The following CCSER1 variants were observed in gnomAD, a reference collection of about 807,000 sequenced individuals.
The protein encoded by CCSER1 is coiled-coil serine rich protein 1.
In CCSER1, 41 loss-of-function variants were observed where a neutral mutation model predicts 82.0. That is an observed-to-expected ratio of 0.50 (90% CI 0.39 to 0.65). The LOEUF (loss-of-function observed/expected upper bound fraction) is 0.65, where lower values mean the gene tolerates loss of function less well. Ranked by LOEUF, CCSER1 falls within the 30% of genes least tolerant of loss-of-function variation. The pLI is 0.00. For missense variants in CCSER1, 1,119 were observed against 1,064.2 expected, an observed-to-expected ratio of 1.05 and a Z score of -0.72; for synonymous variants, 414 against 383.9, an observed-to-expected ratio of 1.08 and a Z score of -0.92.
intron 7 of CCSER1, among the ~76,000 whole-genome samples, chr4:90,759,477 T>G (rs1466980027): frequency 6.6e-6 from 1 of 152,212 alleles, no homozygotes; most frequent in Non-Finnish European, 1.5e-5. Flanking sequence ...ACCAGAATTG[T>G]GCTGGTAAAC....
At chr4:90,299,604 G>C (rs976608597) in intron 1 of CCSER1, among the ~76,000 whole-genome samples, 3 of 152,072 alleles carry the variant, frequency 2.0e-5, no homozygotes, top group African/African-American at 7.2e-5. Flanking sequence ...ACTGGCAGAA[G>C]TGGCTTTCGT....
In CCSER1 at chr4:90,564,911, C is replaced by T. The variant is rs182833480; in HGVS notation, c.1725-63114C>T. On this transcript the variant is annotated intron_variant, in intron 5 of 10. Transcript: ENST00000509176. ...TTTTAATGCCAGTGCCACACTCTTTCGTAACTTACTATAGCTTTTTAGAAT... is the reference window on the plus strand; with the variant it reads ...TTTTAATGCCAGTGCCACACTCTTTTGTAACTTACTATAGCTTTTTAGAAT... 1.2e-3 allele frequency among the ~76,000 whole-genome samples: 187 copies of T among 152,166 alleles called. 2 individuals are homozygous for T. In the Middle Eastern group the frequency reaches 0.031, roughly 25 times the overall value.
chr4:90,489,966 G>A (rs1015938302), intron 5 of CCSER1, among the ~76,000 whole-genome samples: 3 of 152,146 alleles, frequency 2.0e-5, no homozygotes, highest in Admixed American at 6.5e-5. Flanking sequence ...ATTTTGAATA[G>A]TGCCGCAATA....
rs187828076 is a variant in CCSER1, at chr4:91,161,127, C to G, written c.2217+75133C>G. 7.7e-4 allele frequency among the ~76,000 whole-genome samples: 117 copies of G among 152,248 alleles called. 5 individuals carry two copies. The highest frequency in any genetic ancestry group is 3.9e-4 in the East Asian group (2 of 5,178). ...GTTTCAGCTTTCCACATATGGCTAA[C>G]CAGTTTTCCCAGCACCATTTATTAA... On this transcript the variant is annotated intron_variant, in intron 10 of 10. Transcript: ENST00000509176.
At chr4:90,762,016 A>C (rs1337164691) in intron 7 of CCSER1, among the ~76,000 whole-genome samples, 1 of 152,176 alleles carries the variant, frequency 6.6e-6, no homozygotes, top group East Asian at 1.9e-4. Context: ...AAAGAAAGTA[A>C]TTTCAGAAAC....
At chr4:90,741,059 A>G (rs1157629714) in intron 7 of CCSER1, among the ~76,000 whole-genome samples, 1 of 152,200 alleles carries the variant, frequency 6.6e-6, no homozygotes, top group Non-Finnish European at 1.5e-5. Context: ...CTGTAGGATA[A>G]GCTTGAATAC....
intron 1 of CCSER1, among the ~76,000 whole-genome samples, chr4:90,137,041 C>T (rs1477860997): frequency 6.6e-6 from 1 of 152,154 alleles, no homozygotes; most frequent in African/African-American, 2.4e-5. Flanking sequence ...ACCTAGTGCA[C>T]AGATAGCTCA....
At chr4:91,254,274 A>G (rs1419167933) in intron 10 of CCSER1, among the ~76,000 whole-genome samples, 1 of 152,176 alleles carries the variant, frequency 6.6e-6, no homozygotes, top group Non-Finnish European at 1.5e-5. Flanking sequence ...TCAATTGCAC[A>G]TGGGATATTT....
At chr4:90,398,208 C>T (rs1256837164) in intron 3 of CCSER1, among the ~76,000 whole-genome samples, 1 of 152,154 alleles carries the variant, frequency 6.6e-6, no homozygotes, top group Non-Finnish European at 1.5e-5. Flanking sequence ...ATAAGAACAC[C>T]AGTCCCATTG....
chr4:90,715,762 A>G (rs763889642), intron 6 of CCSER1, among the ~76,000 whole-genome samples: 1 of 152,066 alleles, frequency 6.6e-6, no homozygotes, highest in African/African-American at 2.4e-5. Context: ...GGATGTGTAT[A>G]CTGGTAGAAT....
intron 9 of CCSER1, among the ~76,000 whole-genome samples, chr4:90,980,019 A>G (rs1179205393): frequency 1.3e-5 from 2 of 151,850 alleles, no homozygotes; most frequent in South Asian, 2.1e-4. Flanking sequence ...ACAGGATATG[A>G]TGATGAATAG....
chr4:90,609,614 G>T (rs1358774161), intron 5 of CCSER1, among the ~76,000 whole-genome samples: 2 of 152,042 alleles, frequency 1.3e-5, no homozygotes, highest in African/African-American at 4.8e-5. Context: ...ATCAGTATGT[G>T]GTATCTTATA....
intron 10 of CCSER1, among the ~76,000 whole-genome samples, chr4:91,411,057 AT>A (rs1752993031): frequency 6.6e-6 from 1 of 151,936 alleles, no homozygotes; most frequent in Non-Finnish European, 1.5e-5. Context: ...TATTTATATA[AT>A]TTTATGTAAT....
At chr4:90,151,274 C>A (rs1726786069) in intron 1 of CCSER1, among the ~76,000 whole-genome samples, 2 of 151,914 alleles carry the variant, frequency 1.3e-5, no homozygotes, top group South Asian at 4.1e-4. Flanking sequence ...TTAATATATT[C>A]TTGCTACTAT....
At chr4:91,423,789 T>C (rs898134055) in intron 10 of CCSER1, among the ~76,000 whole-genome samples, 9 of 152,012 alleles carry the variant, frequency 5.9e-5, no homozygotes, top group African/African-American at 1.9e-4. Flanking sequence ...AAAGATAATA[T>C]ATACAAATCA....
intron 3 of CCSER1, among the ~76,000 whole-genome samples, chr4:90,364,861 A>G (rs142880526): frequency 1.7e-3 from 252 of 152,086 alleles, no homozygotes; most frequent in African/African-American, 5.8e-3. Flanking sequence ...AATTTTGAAA[A>G]TATGAAACAA....
chr4:91,504,592 A>G (rs1048570295), intron 10 of CCSER1, among the ~76,000 whole-genome samples: 1 of 148,014 alleles, frequency 6.8e-6, no homozygotes, highest in African/African-American at 2.6e-5. Flanking sequence ...ATAATACTAG[A>G]TAATAATTTT....
At chr4:90,406,423 A>G (rs760875277) in intron 4 of CCSER1, among the ~76,000 whole-genome samples, 1 of 152,190 alleles carries the variant, frequency 6.6e-6, no homozygotes, top group African/African-American at 2.4e-5. Context: ...GGGGACTTCA[A>G]TACTTCACTG....
intron 10 of CCSER1, among the ~76,000 whole-genome samples, chr4:91,280,874 C>G (rs1228988064): frequency 1.3e-5 from 2 of 152,060 alleles, no homozygotes; most frequent in Non-Finnish European, 2.9e-5. Flanking sequence ...ACTGTTGCTT[C>G]CCAGGGAAGG....
Sources: gnomAD v4.1 joint callset for allele counts (sites outside exome capture counted in the v4.1 genomes callset) on GRCh38, gnomAD v4.1.1 for gene constraint, MANE v1.5 for transcripts, NCBI Gene and HGNC (gene_info 2026-07-23, HGNC 2026-07-21) for gene names.